Variants in DPYD observed in about 807,000 individuals in gnomAD.
The protein encoded by DPYD is dihydropyrimidine dehydrogenase [NADP(+)].
In DPYD, 109 loss-of-function variants were observed where a neutral mutation model predicts 116.2. That is an observed-to-expected ratio of 0.94 (90% CI 0.80 to 1.10). The LOEUF is 1.10. Among genes scored for constraint, DPYD ranks in the 50% least tolerant of loss-of-function variants. The probability of loss-of-function intolerance (pLI) is 0.00; values close to 1 mark genes in which losing one functional copy is unlikely to be tolerated. For missense variants in DPYD, 1,302 were observed against 1,254.5 expected, an observed-to-expected ratio of 1.04 and a Z score of -0.57; for synonymous variants, 440 against 432.0, an observed-to-expected ratio of 1.02 and a Z score of -0.23.
intron 5 of DPYD, among the ~76,000 whole-genome samples, chr1:97,702,428 T>C (rs543102652): frequency 6.6e-6 from 1 of 151,908 alleles, no homozygotes; most frequent in Non-Finnish European, 1.5e-5. Context: ...TTTAGTTGAA[T>C]AATTTTAGCT....
intron 20 of DPYD, among the ~76,000 whole-genome samples, chr1:97,099,817 T>C (rs1557862233): frequency 6.6e-6 from 1 of 152,066 alleles, no homozygotes; most frequent in Non-Finnish European, 1.5e-5. Flanking sequence ...TCTGGTCCTC[T>C]AGAGACCTCA....
chr1:97,547,136 T>C lies in DPYD; in HGVS notation c.1524+2424A>G, dbSNP rs548812794. ...GCAGTGGCAGTGCCTTGGTACAACC[T>C]GAAAAATGTTAAGGCTTACTGAAAC... On this transcript the variant is annotated intron_variant, in intron 12 of 22. Transcript: ENST00000370192. Among the ~76,000 whole-genome samples, 396 of 152,282 alleles carry C rather than the reference T, an allele frequency of 2.6e-3. 3 individuals are homozygous for C. The highest frequency in any genetic ancestry group is 6.8e-3 in the Middle Eastern group (2 of 294).
At chr1:97,654,476 T>G (rs1658782800) in intron 8 of DPYD, among the ~76,000 whole-genome samples, 1 of 152,152 alleles carries the variant, frequency 6.6e-6, no homozygotes, top group Admixed American at 6.5e-5. Context: ...CCCTTTAATA[T>G]TCATAAAAGT....
chr1:97,255,479 A>G lies in DPYD; in HGVS notation c.2300-20485T>C, dbSNP rs1243274572. On this transcript the variant is annotated intron_variant, in intron 18 of 22. Transcript: ENST00000370192. Reference sequence around the variant, plus strand: ...AAGTCTCATGAGATCTGATGGTTTTATAAAGAGGAGTTCCCCTGCACAAGT... The same window carrying G: ...AAGTCTCATGAGATCTGATGGTTTTGTAAAGAGGAGTTCCCCTGCACAAGT... 2.0e-5 allele frequency among the ~76,000 whole-genome samples: 3 copies of G among 152,070 alleles called. No homozygotes were observed. The East Asian group carries it at 5.8e-4, about 29-fold the overall frequency.
intron 16 of DPYD, among the ~76,000 whole-genome samples, chr1:97,343,449 A>C (rs1669685537): frequency 6.6e-6 from 1 of 152,152 alleles, no homozygotes; most frequent in African/African-American, 2.4e-5. Flanking sequence ...AATATTTAAA[A>C]TACAGAAAAT....
In DPYD at chr1:97,078,975, C is replaced by T. The variant is rs1347191646; in HGVS notation, c.*1G>A. The T allele has an allele frequency of 1.9e-6, 3 of 1,613,528 alleles. No homozygotes were observed. The Admixed American group carries it at 5.0e-5, about 27-fold the overall frequency. On this transcript the variant is annotated 3_prime_UTR_variant, in exon 23 of 23. Transcript: ENST00000370192. Reference sequence around the variant, plus strand: ...TCACAGCAACTGTTTCACAAATCACCTTAACACACCGGATTCACAGATAAG... The same window carrying T: ...TCACAGCAACTGTTTCACAAATCACTTTAACACACCGGATTCACAGATAAG...
At chr1:97,554,701 T>C (rs561764999) in intron 11 of DPYD, among the ~76,000 whole-genome samples, 5 of 152,234 alleles carry the variant, frequency 3.3e-5, no homozygotes, top group African/African-American at 1.2e-4. Context: ...AACCAGAGAA[T>C]GCCTCCAACT....
chr1:97,668,877 T>G (rs893160099), intron 8 of DPYD, among the ~76,000 whole-genome samples: 5 of 151,998 alleles, frequency 3.3e-5, no homozygotes, highest in African/African-American at 1.2e-4. Flanking sequence ...AAACACAAAA[T>G]AAGACTTTAA....
At position 97,686,636 on chromosome 1, in the gene DPYD, C is replaced by CAAAAAAAAAA. The variant is rs1159274157; in HGVS notation, c.762+5071_762+5080dup. ...TGGGCGACAGAGCGAGACTCTGTCT[C>CAAAAAAAAAA]AAAAAAAAAAAAAAAAAAAAAAAAA... On this transcript the variant is annotated intron_variant, in intron 7 of 22. Transcript: ENST00000370192. Among the ~76,000 whole-genome samples the CAAAAAAAAAA allele has an allele frequency of 8.0e-4, 8 of 10,062 alleles. 1 individual carries two copies. The highest frequency in any genetic ancestry group is 2.7e-3 in the African/African-American group (8 of 2,978). The allele number at this position is 10,062 out of a possible 152,430, so 6.6% of individuals were successfully genotyped here. A position where few individuals can be genotyped will look rare whatever the true frequency, so the allele number is the denominator to read the frequency against.
chr1:97,843,781 GTTTATTCTAAATA>G (rs1299461241), intron 2 of DPYD, among the ~76,000 whole-genome samples: 2 of 152,066 alleles, frequency 1.3e-5, no homozygotes, highest in Non-Finnish European at 2.9e-5. Flanking sequence ...TACTTTTAGA[GTTTATTCTAAATA>G]TTTATTCTAA....
At chr1:97,119,379 A>G (rs553671386) in intron 20 of DPYD, among the ~76,000 whole-genome samples, 1 of 152,174 alleles carries the variant, frequency 6.6e-6, no homozygotes, top group South Asian at 2.1e-4. Flanking sequence ...CAGGAAGATG[A>G]TATCAAAGAC....
In DPYD at chr1:97,373,685, T is replaced by C. The variant is rs371375923; in HGVS notation, c.1975-41A>G. ...GAAAATGAAAGAAAAGGCAAAGCTT[T>C]ATTTATATACCAATAGGCTTTCACC... On this transcript the variant is annotated intron_variant, in intron 15 of 22. Coordinates refer to ENST00000370192, the MANE Select transcript of DPYD (RefSeq NM_000110.4). The C allele has an allele frequency of 9.7e-6, 15 of 1,552,686 alleles. No homozygotes were observed. In the African/African-American group the frequency reaches 1.9e-4, roughly 20 times the overall value.
intron 3 of DPYD, chr1:97,797,407 A>G (rs1308344313): frequency 2.6e-5 from 4 of 151,994 alleles, no homozygotes; most frequent in African/African-American, 7.2e-5. Context: ...TTACAGAAGG[A>G]AAAGTTCAAC....
intron 8 of DPYD, among the ~76,000 whole-genome samples, chr1:97,625,413 T>C (rs1271665148): frequency 1.3e-5 from 2 of 151,970 alleles, no homozygotes; most frequent in African/African-American, 4.8e-5. Context: ...AATAACTGGA[T>C]GTAAAATGAT....
In DPYD at chr1:97,437,366, G is replaced by A. The variant is rs953416036; in HGVS notation, c.1905+12693C>T. Reference sequence around the variant, plus strand: ...TTTTGAGATTAATCCATTTTGTTGTGTGTATAATAGTTCATTCTTTTTATT... The same window carrying A: ...TTTTGAGATTAATCCATTTTGTTGTATGTATAATAGTTCATTCTTTTTATT... On this transcript the variant is annotated intron_variant, in intron 14 of 22. Transcript: ENST00000370192. Among the ~76,000 whole-genome samples the A allele has an allele frequency of 4.6e-5, 7 of 151,094 alleles. No individual in the cohort carries two copies. In the East Asian group the frequency reaches 1.2e-3, roughly 25 times the overall value.
At chr1:97,915,961 A>G (rs1272458192) in intron 1 of DPYD, among the ~76,000 whole-genome samples, 1 of 152,134 alleles carries the variant, frequency 6.6e-6, no homozygotes, top group Non-Finnish European at 1.5e-5. Flanking sequence ...ACTTACATTT[A>G]CGCTAATTAT....
chr1:97,586,330 AC>A (rs1654093877), intron 10 of DPYD: 1 of 151,388 alleles, frequency 6.6e-6, no homozygotes, highest in African/African-American at 2.4e-5. Flanking sequence ...TTCATTACAA[AC>A]TACTAAAATG....
intron 10 of DPYD, among the ~76,000 whole-genome samples, chr1:97,580,760 C>T (rs1404722130): frequency 6.6e-6 from 1 of 152,110 alleles, no homozygotes. Context: ...TCCACTATGA[C>T]CCAGGTGATG....
At position 97,078,816 on chromosome 1, in the gene DPYD, A is replaced by T; in HGVS notation, c.*160T>A. On this transcript the variant is annotated 3_prime_UTR_variant, in exon 23 of 23. Transcript: ENST00000370192. ...AATTGAATGGTCATTGACATGAGAC[A>T]TTTTTTACACTTACAAATGTATTTT... is the stretch of plus-strand genomic sequence containing the variant. 1.2e-6 allele frequency: 1 copy of T among 845,708 alleles called. No homozygotes were observed. The highest frequency in any genetic ancestry group is 1.9e-6 in the Non-Finnish European group (1 of 539,118). The allele number at this position is 845,708 out of a possible 1,614,324, so 52.4% of individuals were successfully genotyped here.
Sources: allele counts gnomAD v4.1 joint callset (sites outside exome capture counted in the v4.1 genomes callset), GRCh38; gene constraint gnomAD v4.1.1; transcripts MANE v1.5; gene names NCBI Gene and HGNC (gene_info 2026-07-23, HGNC 2026-07-21).